Variants in NRG4 observed in about 807,000 individuals in gnomAD.
NRG4 encodes neuregulin 4, also known as pro-neuregulin-4, membrane-bound isoform.
A neutral mutation model predicts 15.0 loss-of-function variants in NRG4; 10 were observed. The ratio of observed to expected loss-of-function variants is 0.67; its 90% confidence interval spans 0.41 to 1.13. The LOEUF (loss-of-function observed/expected upper bound fraction) is 1.13. Ranked by LOEUF, NRG4 falls within the 50% of genes most tolerant of loss-of-function variation. The pLI, the probability that NRG4 is intolerant of heterozygous loss-of-function variation, is 0.00. For missense variants in NRG4, 139 were observed against 140.2 expected, an observed-to-expected ratio of 0.99 and a Z score of 0.04; for synonymous variants, 41 against 50.1, an observed-to-expected ratio of 0.82 and a Z score of 0.77.
At chr15:76,051,397 T>G (rs1253766389) in intron 4 of NRG4, among the ~76,000 whole-genome samples, 1 of 150,660 alleles carries the variant, frequency 6.6e-6, no homozygotes, top group African/African-American at 2.5e-5. Flanking sequence ...CGCCTCAGCT[T>G]CCCAAAGTGC....
At chr15:76,052,461 G>A (rs1490966125) in intron 3 of NRG4, among the ~76,000 whole-genome samples, 1 of 151,114 alleles carries the variant, frequency 6.6e-6, no homozygotes, top group East Asian at 1.9e-4. Flanking sequence ...TAAAAGATCA[G>A]ATGGTGGTGA....
chr15:76,014,272 A>T (rs1302857175), upstream of NRG4, among the ~76,000 whole-genome samples: 1 of 151,782 alleles, frequency 6.6e-6, no homozygotes, highest in Non-Finnish European at 1.5e-5. Flanking sequence ...GATTGCAAAA[A>T]TTTTCTCCCA....
rs1567116218 is a variant in NRG4, at chr15:76,023,178, ACACAC to A, written c.-56-11897_-56-11893del. ...CACACACACACACACACACACACACACACACAAGCAAGGACCAAGGCAATGAATAA... is the reference window on the plus strand; with the variant it reads ...CACACACACACACACACACACACACAAAGCAAGGACCAAGGCAATGAATAA... On this transcript the variant is annotated intron_variant, in intron 5 of 8. Transcript: ENST00000563910. Among the ~76,000 whole-genome samples the A allele has an allele frequency of 3.5e-3, 488 of 137,920 alleles. 3 individuals carry two copies. Among genetic ancestry groups the A allele is most frequent in the Middle Eastern group, 0.011 (3 of 274 alleles). The allele number at this position is 137,920 out of a possible 152,430, so 90.5% of individuals were successfully genotyped here. A position where few individuals can be genotyped will look rare whatever the true frequency, so the allele number is the denominator to read the frequency against.
intron 5 of NRG4, among the ~76,000 whole-genome samples, chr15:75,947,102 A>C (rs185091660): frequency 3.0e-4 from 45 of 152,330 alleles, no homozygotes; most frequent in African/African-American, 9.9e-4. Flanking sequence ...ATTGTAGTCC[A>C]GCTCATTCAA....
At chr15:76,017,918 T>A (rs2035034564) in intron 5 of NRG4, among the ~76,000 whole-genome samples, 1 of 152,200 alleles carries the variant, frequency 6.6e-6, no homozygotes, top group African/African-American at 2.4e-5. Context: ...TCCTGAAGAG[T>A]GTTTTCCAAC....
chr15:76,059,017 C>T (rs1442051524), intron 1 of NRG4, among the ~76,000 whole-genome samples: 3 of 152,120 alleles, frequency 2.0e-5, no homozygotes, highest in African/African-American at 4.8e-5. Flanking sequence ...CAGGCTTCTC[C>T]ACCGGGGCGA....
intron 3 of NRG4, among the ~76,000 whole-genome samples, chr15:76,007,459 T>A (rs1287261990): frequency 2.0e-5 from 3 of 149,048 alleles, no homozygotes; most frequent in Non-Finnish European, 4.5e-5. Context: ...AGACGGAGTC[T>A]CGCTCTGTCG....
chr15:76,060,055 C>G (rs1178405564), upstream of NRG4: 3 of 149,428 alleles, frequency 2.0e-5, no homozygotes, highest in Admixed American at 2.0e-4. Flanking sequence ...AGAGCTTCCC[C>G]TGCCTCACTG....
rs1280785555 is a variant in NRG4, at chr15:75,941,936, C to G, written c.*1702G>C. 1 of 30,888 alleles carries G rather than the reference C, an allele frequency of 3.2e-5. No individual in the cohort carries two copies. Among genetic ancestry groups the G allele is most frequent in the Non-Finnish European group, 5.8e-5 (1 of 17,228 alleles). 1.9% of individuals were successfully genotyped at this position (30,888 alleles called of 1,614,324 possible). On this transcript the variant is annotated 3_prime_UTR_variant, in exon 6 of 6. Transcript: ENST00000394907. ...CATTTTGCCACAGTAAATTTTTAAA[C>G]CACCAAAAAAAAAAAAAAAAAAAAA...
chr15:75,966,939 A>AC (rs574091468), intron 3 of NRG4, among the ~76,000 whole-genome samples: 26 of 152,016 alleles, frequency 1.7e-4, no homozygotes, highest in African/African-American at 6.3e-4. Flanking sequence ...AGATGGTGAA[A>AC]CCCCATCTCT....
At chr15:75,961,278 GTTTT>G (rs202038389) in intron 4 of NRG4, among the ~76,000 whole-genome samples, 1 of 146,086 alleles carries the variant, frequency 6.8e-6, no homozygotes, top group Non-Finnish European at 1.5e-5. Context: ...CATGCAAGTA[GTTTT>G]TTTTTTTGTC....
intron 4 of NRG4, among the ~76,000 whole-genome samples, chr15:76,047,340 C>G (rs1335874186): frequency 6.6e-6 from 1 of 150,880 alleles, no homozygotes; most frequent in African/African-American, 2.5e-5. Context: ...TACTGCAGCA[C>G]TATTAGCAAT....
chr15:76,006,311 T>C (rs796914943), intron 3 of NRG4, among the ~76,000 whole-genome samples: 1 of 152,140 alleles, frequency 6.6e-6, no homozygotes, highest in African/African-American at 2.4e-5. Context: ...CAGTATGAAG[T>C]GGGATGGAAA....
At chr15:75,988,227 C>CCAGGCTG in intron 3 of NRG4, among the ~76,000 whole-genome samples, 1 of 152,238 alleles carries the variant, frequency 6.6e-6, no homozygotes, top group South Asian at 2.1e-4. Flanking sequence ...ACTCTGTCAC[C>CCAGGCTG]CAGGCTGGAG....
chr15:75,994,631 G>A (rs1229753020), intron 3 of NRG4, among the ~76,000 whole-genome samples: 1 of 152,142 alleles, frequency 6.6e-6, no homozygotes, highest in Non-Finnish European at 1.5e-5. Context: ...AAAGCAAGTT[G>A]TTTTAATCAG....
chr15:75,954,815 C>T (rs892157009), intron 5 of NRG4, among the ~76,000 whole-genome samples: 21 of 151,654 alleles, frequency 1.4e-4, no homozygotes, highest in African/African-American at 4.4e-4. Context: ...ATTAATTTCA[C>T]CTGTTGGGTA....
chr15:76,041,680 T>A (rs953553956), intron 4 of NRG4, among the ~76,000 whole-genome samples: 1 of 152,100 alleles, frequency 6.6e-6, no homozygotes, highest in African/African-American at 2.4e-5. Context: ...CCCAGATATA[T>A]AGAGCAAATA....
At chr15:75,978,580 ATATGGTGGATC>A (rs2033466864) in intron 3 of NRG4, among the ~76,000 whole-genome samples, 1 of 152,176 alleles carries the variant, frequency 6.6e-6, no homozygotes, top group Admixed American at 6.5e-5. Flanking sequence ...TTGCTGGATC[ATATGGTGGATC>A]TATTTTCAGG....
intron 5 of NRG4, among the ~76,000 whole-genome samples, chr15:76,019,461 T>C (rs1490384862): frequency 6.6e-6 from 1 of 152,162 alleles, no homozygotes; most frequent in East Asian, 1.9e-4. Flanking sequence ...TACTCAGTTT[T>C]GTGCTTGAAA....
Sources: allele counts gnomAD v4.1 joint callset (sites outside exome capture counted in the v4.1 genomes callset), GRCh38; gene constraint gnomAD v4.1.1; transcripts MANE v1.5; gene names NCBI Gene and HGNC (gene_info 2026-07-23, HGNC 2026-07-21).